The following SYK variants were observed in gnomAD, a reference collection of about 807,000 sequenced individuals.
The protein encoded by SYK is spleen associated tyrosine kinase, also known as tyrosine-protein kinase SYK.
Under a neutral mutation model 77.8 loss-of-function variants are expected in SYK, and 16 were observed. The observed-to-expected ratio is 0.21, with a 90% CI of 0.14 to 0.31. SYK has a LOEUF of 0.31. Ranked by LOEUF, SYK falls within the 10% of genes least tolerant of loss-of-function variation. SYK has a pLI of 1.00. For synonymous variants in SYK, 312 were observed against 308.7 expected, an observed-to-expected ratio of 1.01 and a Z score of -0.11; for missense variants, 529 against 814.4, an observed-to-expected ratio of 0.65 and a Z score of 4.26.
In SYK at chr9:90,897,993, G is replaced by A. The variant is rs200073109; in HGVS notation, c.*2393G>A. On this transcript the variant is annotated 3_prime_UTR_variant, in exon 14 of 14. Coordinates refer to ENST00000375754, the MANE Select transcript of SYK (RefSeq NM_003177.7). ...TTGGGAAGCTGGGAAAGGCCTCCAG[G>A]CTTCTAGAGCAGCTAGCTTGGGCTG... The A allele has an allele frequency of 4.4e-6, 1 of 229,360 alleles. No homozygotes were observed. The highest frequency in any genetic ancestry group is 6.2e-5 in the East Asian group (1 of 16,104). 14.2% of individuals were successfully genotyped at this position (229,360 alleles called of 1,614,324 possible).
intron 1 of SYK, among the ~76,000 whole-genome samples, chr9:90,808,060 A>AT (rs895386260): frequency 1.1e-4 from 16 of 151,966 alleles, no homozygotes; most frequent in African/African-American, 3.4e-4. Context: ...AGGCATGTCG[A>AT]TTTTTTTTAA....
chr9:90,895,426 AG>A lies in SYK; in HGVS notation c.1836-99del, dbSNP rs1828946253. On this transcript the variant is annotated intron_variant, in intron 13 of 13. Transcript: ENST00000375754. The surrounding 1 kb of genome is among the most constrained non-coding windows in gnomAD (Gnocchi z 4.4). The stretch of plus-strand genomic sequence containing the variant: ...GCTGCAGGCCCTAGAGTTAGCCACC[AG>A]GGAGCAGCACCACTGGTACTCAGCC... The A allele has an allele frequency of 8.0e-7, 1 of 1,245,454 alleles. No homozygotes were observed. Among genetic ancestry groups the A allele is most frequent in the Admixed American group, 1.7e-5 (1 of 58,042 alleles). The allele number at this position is 1,245,454 out of a possible 1,614,324, so 77.2% of individuals were successfully genotyped here.
Position 90,896,770 on chromosome 9 carries a change from A to G in SYK, c.*1170A>G. ...GCTGTACCTCTTGAAAGTTAAAGAG[A>G]CATCTCAGCACTTTAGGAGGCCGAG... On this transcript the variant is annotated 3_prime_UTR_variant, in exon 14 of 14. Coordinates refer to ENST00000375754, the MANE Select transcript of SYK (RefSeq NM_003177.7). 1 of 224,590 alleles carries G rather than the reference A, an allele frequency of 4.5e-6. No homozygotes were observed. Among genetic ancestry groups the G allele is most frequent in the Non-Finnish European group, 8.9e-6 (1 of 112,724 alleles). 13.9% of individuals were successfully genotyped at this position (224,590 alleles called of 1,614,324 possible).
At chr9:90,826,250 G>T (rs1411240024) in intron 1 of SYK, among the ~76,000 whole-genome samples, 3 of 152,240 alleles carry the variant, frequency 2.0e-5, no homozygotes, top group Non-Finnish European at 4.4e-5. Context: ...CAAGCCAGTT[G>T]ACCCTCCTGA....
chr9:90,808,817 C>G (rs1824953707), intron 1 of SYK, among the ~76,000 whole-genome samples: 1 of 152,092 alleles, frequency 6.6e-6, no homozygotes, highest in Non-Finnish European at 1.5e-5. Context: ...CACCTTGCAC[C>G]CCCCACACTG....
chr9:90,826,194 G>A (rs1825660974), intron 1 of SYK, among the ~76,000 whole-genome samples: 1 of 152,222 alleles, frequency 6.6e-6, no homozygotes, highest in South Asian at 2.1e-4. Flanking sequence ...TAAGAGAAGA[G>A]GCAGGCTTCA....
At chr9:90,882,653 G>A (rs1828200425) in intron 11 of SYK, among the ~76,000 whole-genome samples, 1 of 152,224 alleles carries the variant, frequency 6.6e-6, no homozygotes, top group East Asian at 1.9e-4. Context: ...GTGGAGAACT[G>A]ATCAAGATGG....
At chr9:90,843,230 C>A (rs1450011328) in intron 1 of SYK, among the ~76,000 whole-genome samples, 6 of 152,094 alleles carry the variant, frequency 3.9e-5, no homozygotes, top group African/African-American at 1.4e-4. Flanking sequence ...GCTATCATAG[C>A]CCCGGGCTGG....
intron 3 of SYK, among the ~76,000 whole-genome samples, chr9:90,851,551 A>T (rs1826821849): frequency 6.6e-6 from 1 of 152,102 alleles, no homozygotes; most frequent in African/African-American, 2.4e-5. Context: ...GCTGGCCAGA[A>T]GCGAGCACTG....
intron 1 of SYK, among the ~76,000 whole-genome samples, chr9:90,842,463 G>T (rs1225384143): frequency 6.6e-6 from 1 of 151,550 alleles, no homozygotes; most frequent in Non-Finnish European, 1.5e-5. Context: ...TGTGTTTCAT[G>T]TGTGTGGTGT....
intron 6 of SYK, among the ~76,000 whole-genome samples, chr9:90,866,065 AT>A (rs1827480013): frequency 6.6e-6 from 1 of 151,804 alleles, no homozygotes; most frequent in Admixed American, 6.6e-5. Context: ...CACCCGGCTA[AT>A]TTTTTTATAT....
At chr9:90,841,186 G>C (rs979315667) in intron 1 of SYK, among the ~76,000 whole-genome samples, 5 of 150,328 alleles carry the variant, frequency 3.3e-5, no homozygotes, top group African/African-American at 1.2e-4. Context: ...TTTATGTGTA[G>C]TGTGTAGTAT....
At chr9:90,868,029 C>G (rs77890258) in intron 7 of SYK, among the ~76,000 whole-genome samples, 1 of 151,982 alleles carries the variant, frequency 6.6e-6, no homozygotes, top group Non-Finnish European at 1.5e-5. Flanking sequence ...AATTGAGCAT[C>G]CACTCATGAA....
intron 11 of SYK, among the ~76,000 whole-genome samples, chr9:90,885,887 G>A (rs914621961): frequency 6.6e-6 from 1 of 152,154 alleles, no homozygotes; most frequent in Non-Finnish European, 1.5e-5. Flanking sequence ...CATTTTCAAA[G>A]TGCTGAAAGA....
chr9:90,887,238 A>T (rs1043407325), intron 11 of SYK, among the ~76,000 whole-genome samples: 15 of 152,096 alleles, frequency 9.9e-5, no homozygotes, highest in African/African-American at 3.6e-4. Context: ...TATTGTAGTG[A>T]ATTCCCTTCC....
At position 90,801,824 on chromosome 9, in the gene SYK, G is replaced by C. The variant is rs1377937345; in HGVS notation, c.-111G>C. 6.6e-6 allele frequency: 1 copy of C among 152,358 alleles called. No individual in the cohort carries two copies. The highest frequency in any genetic ancestry group is 1.9e-4 in the East Asian group (1 of 5,188). 9.4% of individuals were successfully genotyped at this position (152,358 alleles called of 1,614,324 possible). ...CGGGCCCGGCGGCTGAGGCCACCCC[G>C]GCGGCGGCTGGAGAGCGAGGAGGAG... On this transcript the variant is annotated 5_prime_UTR_variant, in exon 1 of 14. Coordinates refer to ENST00000375754, the MANE Select transcript of SYK (RefSeq NM_003177.7).
intron 3 of SYK, among the ~76,000 whole-genome samples, chr9:90,854,166 G>A (rs1349791866): frequency 6.6e-6 from 1 of 152,222 alleles, no homozygotes; most frequent in Non-Finnish European, 1.5e-5. Context: ...GACTGGCCGG[G>A]TGGTGGAGGG....
chr9:90,867,430 G>A (rs988317745), intron 7 of SYK, among the ~76,000 whole-genome samples: 3 of 152,202 alleles, frequency 2.0e-5, no homozygotes, highest in African/African-American at 7.2e-5. Flanking sequence ...CCAACAGTGT[G>A]AGCATGCTTT....
chr9:90,855,898 ATACCTGTTACC>A lies in SYK; in HGVS notation c.579-6301_579-6291del, dbSNP rs374201087. The stretch of plus-strand genomic sequence containing the variant: ...GGGATATGGTGTGAGCCTGTTTGAG[ATACCTGTTACC>A]TACCTGGGCTGGATTAACAACTATG... On this transcript the variant is annotated intron_variant, in intron 3 of 13. Transcript: ENST00000375754. Among the ~76,000 whole-genome samples the A allele has an allele frequency of 4.5e-3, 681 of 152,256 alleles. 5 individuals carry two copies. The highest frequency in any genetic ancestry group is 0.016 in the African/African-American group (650 of 41,538).
Sources: gnomAD v4.1 joint callset for allele counts (sites outside exome capture counted in the v4.1 genomes callset) on GRCh38, gnomAD v4.1.1 for gene constraint, Gnocchi (gnomAD v3.1) non-coding constraint, MANE v1.5 for transcripts, NCBI Gene and HGNC (gene_info 2026-07-23, HGNC 2026-07-21) for gene names.